MAMDC4: variants seen among roughly 807,000 people sequenced by gnomAD.
MAMDC4 encodes MAM domain containing 4, also known as apical endosomal glycoprotein.
MAMDC4 carries 168 observed loss-of-function variants against 153.3 expected under a neutral mutation model. The ratio of observed to expected loss-of-function variants is 1.10; its 90% confidence interval spans 0.97 to 1.25. MAMDC4 has a LOEUF of 1.25. Among genes scored for constraint, MAMDC4 ranks in the 50% most tolerant of loss-of-function variants. The pLI is 0.00. For missense variants in MAMDC4, 1,701 were observed against 1,542.8 expected (o/e 1.10, Z -1.72); for synonymous variants, 744 against 651.5 (o/e 1.14, Z -2.16).
rs1428010267 is a variant in MAMDC4 at position 136,857,259 on chromosome 9, C to A, written c.2067C>A (p.Ala689=). ...TQGNRWHEAW[A]TLSHQPGSHA... ...GCAACCGCTGGCACGAGGCCTGGGC[C>A]ACCCTTTCCCACCAGCCTGGCTCCC... is the stretch of plus-strand genomic sequence containing the variant. The change falls in exon 17 of 27, where the codon GCC becomes GCA. Residue 689 remains alanine, a synonymous_variant. Coordinates refer to ENST00000317446, the MANE Select transcript of MAMDC4 (RefSeq NM_206920.3). The A allele has an allele frequency of 6.2e-7, 1 of 1,602,388 alleles. No individual in the cohort carries two copies. The highest frequency in any genetic ancestry group is 1.1e-5 in the South Asian group (1 of 89,706).
At position 136,853,853 on chromosome 9, in the gene MAMDC4, C is replaced by T. The variant is rs777450384; in HGVS notation, c.531C>T (p.Gly177=). The stretch of plus-strand genomic sequence containing the variant: ...TGTGGCAGAGCACAGGGCCCTGGGG[C>T]CCTGGCTGGCAGGAGTTGGCAGTGA... ...LTLWQSTGPW[G]PGWQELAVTT... The change falls in exon 5 of 27, where the codon GGC becomes GGT. Residue 177 remains glycine, a synonymous_variant. Coordinates refer to ENST00000317446, the MANE Select transcript of MAMDC4 (RefSeq NM_206920.3). 3 of 1,612,538 alleles carry T rather than the reference C, an allele frequency of 1.9e-6. No individual in the cohort carries two copies. Among genetic ancestry groups the T allele is most frequent in the Non-Finnish European group, 2.5e-6 (3 of 1,179,850 alleles).
chr9:136,860,175 G>C, intron 26 of MAMDC4, 111 bp downstream of exon 26: 1 of 1,268,514 alleles, frequency 7.9e-7, no homozygotes. Context: ...ACCTGTGCAA[G>C]GCCCATCCTT....
chr9:136,859,811 G>A, intron 25 of MAMDC4, 75 bp from the exon 26 acceptor site: 1 of 1,510,792 alleles, frequency 6.6e-7, no homozygotes, highest in Non-Finnish European at 9.1e-7. Context: ...GAGGGACCAT[G>A]CAGCCCCAGG....
Position 136,855,555 on chromosome 9 carries a change from G to A in MAMDC4, c.1407G>A (p.Val469=), listed in dbSNP as rs1245874758. 2 of 1,591,548 alleles carry A rather than the reference G, an allele frequency of 1.3e-6. No individual in the cohort carries two copies. The highest frequency in any genetic ancestry group is 2.3e-5 in the East Asian group (1 of 43,920). ...QGHLACGDLC[V]PPEQLCDFEE... ...ATCTTGCCTGCGGGGACCTGTGTGTGCCCCCGGAACAACTGTGTGACTTCG... is the reference window on the plus strand; with the variant it reads ...ATCTTGCCTGCGGGGACCTGTGTGTACCCCCGGAACAACTGTGTGACTTCG... Residue 469 remains valine, a synonymous_variant, in exon 12 of 27, where the codon GTG becomes GTA. Coordinates refer to ENST00000317446, the MANE Select transcript of MAMDC4 (RefSeq NM_206920.3).
intron 25 of MAMDC4, 69 bp from the exon 26 acceptor site, chr9:136,859,817 C>T (rs1686434164): frequency 1.3e-6 from 2 of 1,552,354 alleles, no homozygotes; most frequent in South Asian, 2.3e-5. Flanking sequence ...CCATGCAGCC[C>T]CAGGCTTCCT....
intron 1 of MAMDC4, 35 bp from the exon 2 acceptor site, chr9:136,853,062 ACCCTG>A (rs1245810947): frequency 6.4e-7 from 1 of 1,574,690 alleles, no homozygotes; most frequent in Admixed American, 1.7e-5. Context: ...ATGGCTGGTC[ACCCTG>A]CCCCCAGGCC....
rs753251542 is a variant in MAMDC4 at position 136,858,236 on chromosome 9, G to C, written c.2634G>C (p.Leu878=). The C allele has an allele frequency of 6.2e-7, 1 of 1,601,734 alleles. No individual in the cohort carries two copies. The highest frequency in any genetic ancestry group is 8.5e-7 in the Non-Finnish European group (1 of 1,178,416). The stretch of plus-strand genomic sequence containing the variant: ...GCGTGGCACACTCCTACGTGGCTCT[G>C]GATGATCTGCTCCTCCAGGACGGGC... ...AAGVAHSYVA[L]DDLLLQDGPC... The change falls in exon 21 of 27, where the codon CTG becomes CTC. Residue 878 remains leucine, a synonymous_variant. Transcript: ENST00000317446.
chr9:136,856,086 C>T lies in MAMDC4; in HGVS notation c.1657C>T (p.Leu553Phe). ...TGAGGCCCGGGTCCTCACACCCCTC[C>T]TTGGCCCTTCTGGCCCCAGCTGTGA... ...GAEARVLTPL[L>F]GPSGPSCELH... Residue 553 changes from leucine (L) to phenylalanine (F), a missense_variant, in exon 14 of 27, where the codon CTT (leucine) becomes TTT (phenylalanine). Leu to Phe is a conservative substitution (Grantham distance 22, BLOSUM62 0). Transcript: ENST00000317446. 6.2e-7 allele frequency: 1 copy of T among 1,612,502 alleles called. No individual in the cohort carries two copies. The highest frequency in any genetic ancestry group is 1.1e-5 in the South Asian group (1 of 91,080).
chr9:136,860,121 A>G, intron 26 of MAMDC4, 57 bp downstream of exon 26: 1 of 1,480,214 alleles, frequency 6.8e-7, no homozygotes, highest in South Asian at 1.4e-5. Context: ...GTGACGCTGG[A>G]GGGCGGGCAG....
rs754377726 is a variant in MAMDC4 at position 136,855,078 on chromosome 9, C to T, written c.1165C>T (p.Arg389Cys). 32 of 1,594,000 alleles carry T rather than the reference C, an allele frequency of 2.0e-5. No individual in the cohort carries two copies. The highest frequency in any genetic ancestry group is 2.1e-4 in the Middle Eastern group (1 of 4,842). ...GCTGGGGACCGCCTGGGTCCGAGAC[C>T]GTGTTGACATCCAGAGCGCCTACCC... The part of the protein sequence containing the change: ...GELGTAWVRD[R>C]VDIQSAYPFQ... The change falls in exon 10 of 27, where the codon CGT (arginine) becomes TGT (cysteine). Residue 389 changes from arginine to cysteine, a missense_variant. Physicochemically the swap from Arg to Cys is radical, Grantham distance 180. Transcript: ENST00000317446.
chr9:136,856,569 G>A, intron 14 of MAMDC4, 141 bp from the exon 15 acceptor site: 1 of 848,054 alleles, frequency 1.2e-6, no homozygotes, highest in South Asian at 1.3e-5. Context: ...CACCGAGAGA[G>A]ACAGAGGTTC....
Position 136,854,950 on chromosome 9 carries a change from A to C in MAMDC4, c.1037A>C (p.Gln346Pro). The change falls in exon 10 of 27, where the codon CAG (glutamine) becomes CCG (proline). Residue 346 changes from glutamine to proline, a missense_variant. Transcript: ENST00000317446. ...GTSNCSLVFY[Q>P]YLSGSEAGCL... ...TTGGTTCCACAGCTGGTCTTCTATC[A>C]GTACCTGAGTGGGTCTGAGGCTGGC... 1 of 1,610,498 alleles carries C rather than the reference A, an allele frequency of 6.2e-7. No homozygotes were observed. The highest frequency in any genetic ancestry group is 1.1e-5 in the South Asian group (1 of 90,906).
chr9:136,854,213 C>T lies in MAMDC4; in HGVS notation c.673C>T (p.Pro225Ser). 2.2e-5 allele frequency: 35 copies of T among 1,612,248 alleles called. No individual in the cohort carries two copies. The highest frequency in any genetic ancestry group is 2.9e-5 in the Non-Finnish European group (34 of 1,179,780). ...AGGGTTAACCCTGCCCCACCCAGCC[C>T]CCCAGGCCAACTGTCCCCCGGGACA... Reference protein sequence around the residue: ...LEFWDCGLPTPQANCPPGHHH... With the variant: ...LEFWDCGLPTSQANCPPGHHH... Residue 225 changes from proline (P) to serine (S), a missense_variant and splice_region_variant, in exon 7 of 27, where the codon CCC (proline) becomes TCC (serine). Transcript: ENST00000317446.
At position 136,855,797 on chromosome 9, in the gene MAMDC4, T is replaced by C. The variant is rs544641095; in HGVS notation, c.1537T>C (p.Trp513Arg). Residue 513 changes from tryptophan (W) to arginine (R), a missense_variant, in exon 13 of 27, where the codon TGG becomes CGG. Trp to Arg is a moderately radical substitution (Grantham distance 101). Transcript: ENST00000317446. ...GGACGCCAGCGTGGGGCGGCTGCAGTGGCGGCGTGTCTCAGCCCAGGAGAG... is the reference window on the plus strand; with the variant it reads ...GGACGCCAGCGTGGGGCGGCTGCAGCGGCGGCGTGTCTCAGCCCAGGAGAG... ...WEDASVGRLQWRRVSAQESQG... is the reference protein window; with the variant it reads ...WEDASVGRLQRRRVSAQESQG... 1.0e-4 allele frequency: 157 copies of C among 1,547,048 alleles called. No individual in the cohort carries two copies. Among genetic ancestry groups the C allele is most frequent in the Admixed American group, 2.4e-4 (12 of 50,160 alleles).
rs768837462 is a variant in MAMDC4, at chr9:136,853,550, T to C, written c.334T>C (p.Tyr112His). The C allele has an allele frequency of 2.0e-5, 33 of 1,612,662 alleles. No individual in the cohort carries two copies. The highest frequency in any genetic ancestry group is 2.5e-5 in the Non-Finnish European group (30 of 1,179,958). Residue 112 changes from tyrosine to histidine, a missense_variant, in exon 4 of 27, where the codon TAC (tyrosine) becomes CAC (histidine). Coordinates refer to ENST00000317446, the MANE Select transcript of MAMDC4 (RefSeq NM_206920.3). ...TGACCTCTCACCTGCGCCAGGCTGG[T>C]ACATGGCCGTTGGAACCCACCGAGG... ...DHTLGTDLGW[Y>H]MAVGTHRGKE...
rs975687761 is a variant in MAMDC4, at chr9:136,858,547, G to A, written c.2821+1G>A. 1.3e-5 allele frequency: 20 copies of A among 1,568,538 alleles called. No homozygotes were observed. Among genetic ancestry groups the A allele is most frequent in the Admixed American group, 1.9e-5 (1 of 52,460 alleles). ...GACCACACCCTGGGCACAGAGGCAG[G>A]TACGTGCCCACTGGAGCCAGGTGGG... On this transcript the variant is annotated splice_donor_variant, in intron 22 of 26. Coordinates refer to ENST00000317446, the MANE Select transcript of MAMDC4 (RefSeq NM_206920.3). LOFTEE classifies it high-confidence loss of function.
Position 136,852,464 on chromosome 9 carries a change from T to A in MAMDC4, c.46+2T>A, listed in dbSNP as rs1848940105. 1.2e-6 allele frequency: 2 copies of A among 1,609,806 alleles called. No individual in the cohort carries two copies. The highest frequency in any genetic ancestry group is 4.5e-5 in the East Asian group (2 of 44,876). Reference sequence around the variant, plus strand: ...TGCCCGCCTTGGTCCTGTTCCTGGGTAAGTAGTCTGGTCCCACTCCTGAGG... The same window carrying A: ...TGCCCGCCTTGGTCCTGTTCCTGGGAAAGTAGTCTGGTCCCACTCCTGAGG... On this transcript the variant is annotated splice_donor_variant, in intron 1 of 26. Transcript: ENST00000317446. LOFTEE classifies it high-confidence loss of function.
intron 10 of MAMDC4, 62 bp from the exon 11 acceptor site, chr9:136,855,191 TG>T (rs927593612): frequency 6.3e-7 from 1 of 1,579,518 alleles, no homozygotes; most frequent in African/African-American, 1.4e-5. Context: ...CCACTGCGGG[TG>T]GACAGGGACC....
At chr9:136,853,028 CTG>C in intron 1 of MAMDC4, 72 bp from the exon 2 acceptor site, 1 of 1,306,808 alleles carries the variant, frequency 7.7e-7, no homozygotes, top group Non-Finnish European at 1.1e-6. Flanking sequence ...AGTGCTAAAA[CTG>C]AATAGTCCTA....
Sources: gnomAD v4.1 joint callset for allele counts on GRCh38, gnomAD v4.1.1 for gene constraint, MANE v1.5 for transcripts, NCBI Gene and HGNC (gene_info 2026-07-23, HGNC 2026-07-21) for gene names.